OSBPL3: variants seen among roughly 807,000 people sequenced by gnomAD.
OSBPL3 encodes the protein oxysterol binding protein like 3, also known as oxysterol-binding protein-related protein 3.
In OSBPL3, 65 loss-of-function variants were observed where a neutral mutation model predicts 120.1. The ratio of observed to expected loss-of-function variants is 0.54; its 90% confidence interval spans 0.44 to 0.67. The LOEUF (loss-of-function observed/expected upper bound fraction) is 0.67. Ranked by LOEUF, OSBPL3 falls within the 30% of genes least tolerant of loss-of-function variation. The pLI, the probability that OSBPL3 is intolerant of heterozygous loss-of-function variation, is 0.00. For synonymous variants in OSBPL3, 416 were observed against 402.6 expected (o/e 1.03, Z -0.40); for missense variants, 1,004 against 1,082.1 (o/e 0.93, Z 1.01).
intron 1 of OSBPL3, among the ~76,000 whole-genome samples, chr7:24,971,780 G>C (rs1420070913): frequency 6.6e-6 from 1 of 152,074 alleles, no homozygotes; most frequent in Non-Finnish European, 1.5e-5. Flanking sequence ...AAAGCACTTA[G>C]CCTGGCACAT....
At chr7:24,979,558 G>C (rs563485201) in intron 1 of OSBPL3, among the ~76,000 whole-genome samples, 2 of 152,192 alleles carry the variant, frequency 1.3e-5, no homozygotes, top group African/African-American at 2.4e-5. Flanking sequence ...CCGCTGCCCA[G>C]GACAGCTCCG....
intron 19 of OSBPL3, among the ~76,000 whole-genome samples, chr7:24,814,768 A>G (rs1463665899): frequency 1.3e-5 from 2 of 151,990 alleles, no homozygotes; most frequent in African/African-American, 4.8e-5. Flanking sequence ...GACTTATTTC[A>G]CTCAACATAA....
At position 24,824,784 on chromosome 7, in the gene OSBPL3, T is replaced by C. The variant is rs548188996; in HGVS notation, c.1885-4546A>G. Among the ~76,000 whole-genome samples, 1 of 152,312 alleles carries C rather than the reference T, an allele frequency of 6.6e-6. No individual in the cohort carries two copies. The highest frequency in any genetic ancestry group is 6.5e-5 in the Admixed American group (1 of 15,296). On this transcript the variant is annotated intron_variant, in intron 16 of 22. Transcript: ENST00000313367. The surrounding 1 kb of genome is among the most constrained non-coding windows in gnomAD (Gnocchi z 4.9). The stretch of plus-strand genomic sequence containing the variant: ...AGGAAAATAAAGCAGGGCATGAGGA[T>C]GTGGGGACAGTGAGTAGGAGTGCTG...
In OSBPL3 at chr7:24,852,513, G is replaced by C; in HGVS notation, c.1149C>G (p.Ala383=). The change falls in exon 11 of 23, where the codon GCC becomes GCG. Residue 383 remains alanine, a synonymous_variant. Coordinates refer to ENST00000313367, the MANE Select transcript of OSBPL3 (RefSeq NM_015550.4). This position sits in a 1 kb window ranked among gnomAD's most constrained non-coding sequence, Gnocchi z 4.1. ...PSAQVIGLKN[A]LSSALAQNTD... is the part of the protein sequence containing the mutation. ...CAGACATGTAACTTACGGATGACAG[G>C]GCGTTCTTCAGACCAATGACCTGAG... 1.3e-6 allele frequency: 2 copies of C among 1,578,434 alleles called. No individual in the cohort carries two copies. The highest frequency in any genetic ancestry group is 1.7e-6 in the Non-Finnish European group (2 of 1,169,110).
At chr7:24,844,384 T>G (rs1041418744) in intron 12 of OSBPL3, among the ~76,000 whole-genome samples, 1 of 152,060 alleles carries the variant, frequency 6.6e-6, no homozygotes, top group South Asian at 2.1e-4. Context: ...GTGATTTTTT[T>G]TTTTTCTGGC....
chr7:24,904,960 T>TGTGA (rs746412039), intron 1 of OSBPL3, among the ~76,000 whole-genome samples: 3 of 146,070 alleles, frequency 2.1e-5, no homozygotes, highest in East Asian at 2.0e-4. Context: ...TGTGTGTGTG[T>TGTGA]GAATAAAGTT....
chr7:24,903,298 T>C (rs949584224), intron 1 of OSBPL3, among the ~76,000 whole-genome samples: 1 of 152,146 alleles, frequency 6.6e-6, no homozygotes, highest in South Asian at 2.1e-4. Context: ...AATAATAGCC[T>C]CTAGCTCACA....
intron 1 of OSBPL3, among the ~76,000 whole-genome samples, chr7:24,942,690 TTTTAAGG>T (rs138790826): frequency 5.4e-4 from 82 of 152,356 alleles, no homozygotes; most frequent in African/African-American, 1.9e-3. Flanking sequence ...AAAATGGCTT[TTTTAAGG>T]TAATACAATA....
At chr7:24,917,055 T>G (rs1231815465) in intron 1 of OSBPL3, among the ~76,000 whole-genome samples, 1 of 152,062 alleles carries the variant, frequency 6.6e-6, no homozygotes, top group Non-Finnish European at 1.5e-5. Flanking sequence ...GCACCCATAT[T>G]TGTAACTATA....
In OSBPL3 at chr7:24,896,941, G is replaced by A. The variant is rs1806217086; in HGVS notation, c.-149-4320C>T. On this transcript the variant is annotated intron_variant, in intron 1 of 22. Coordinates refer to ENST00000313367, the MANE Select transcript of OSBPL3 (RefSeq NM_015550.4). The surrounding 1 kb of genome is among the most constrained non-coding windows in gnomAD (Gnocchi z 4.4). ...ACCAAAATTAGCCGAGCATGGTGGT[G>A]CATGCCTGTAGTCCCAGCTACTCAG... 6.6e-6 allele frequency among the ~76,000 whole-genome samples: 1 copy of A among 152,048 alleles called. No individual in the cohort carries two copies. The highest frequency in any genetic ancestry group is 2.1e-4 in the South Asian group (1 of 4,820).
chr7:24,956,699 T>C (rs992447265), intron 1 of OSBPL3, among the ~76,000 whole-genome samples: 2 of 152,216 alleles, frequency 1.3e-5, no homozygotes, highest in Non-Finnish European at 2.9e-5. Flanking sequence ...TTTTGAGGTT[T>C]TTCCCATCTG....
chr7:24,948,062 T>A (rs552127716), intron 1 of OSBPL3, among the ~76,000 whole-genome samples: 1 of 152,230 alleles, frequency 6.6e-6, no homozygotes, highest in Admixed American at 6.5e-5. Flanking sequence ...CACAGACCTA[T>A]ATAGAAATCC....
Position 24,855,273 on chromosome 7 carries a change from A to G in OSBPL3, c.1028-2639T>C, listed in dbSNP as rs1319213022. ...TCTCACTGTCTTGTTTATTGCTCCA[A>G]ATAAAATAAATGTGGCACTCAGCTA... On this transcript the variant is annotated intron_variant, in intron 10 of 22. Coordinates refer to ENST00000313367, the MANE Select transcript of OSBPL3 (RefSeq NM_015550.4). This position sits in a 1 kb window ranked among gnomAD's most constrained non-coding sequence, Gnocchi z 4.3. 6.6e-6 allele frequency among the ~76,000 whole-genome samples: 1 copy of G among 152,204 alleles called. No homozygotes were observed. Among genetic ancestry groups the G allele is most frequent in the Non-Finnish European group, 1.5e-5 (1 of 68,044 alleles).
At chr7:24,960,435 G>A (rs1815590133) in intron 1 of OSBPL3, among the ~76,000 whole-genome samples, 1 of 152,150 alleles carries the variant, frequency 6.6e-6, no homozygotes, top group Admixed American at 6.5e-5. Flanking sequence ...AGCTAGTCAA[G>A]CAGAGCAGAA....
chr7:24,961,966 C>T (rs183744983), intron 1 of OSBPL3, among the ~76,000 whole-genome samples: 2 of 152,098 alleles, frequency 1.3e-5, no homozygotes, highest in Non-Finnish European at 2.9e-5. Context: ...TTTTTGTCTG[C>T]CCAACCAACT....
upstream of OSBPL3, among the ~76,000 whole-genome samples, chr7:24,981,219 G>GA (rs1818308699): frequency 2.0e-5 from 3 of 152,184 alleles, no homozygotes; most frequent in South Asian, 6.2e-4. This position sits in a 1 kb window ranked among gnomAD's most constrained non-coding sequence, Gnocchi z 7.3. Context: ...GTCCACTTTC[G>GA]AAAGTGGTTT....
At chr7:24,961,353 TA>T (rs375197942) in intron 1 of OSBPL3, among the ~76,000 whole-genome samples, 1 of 152,090 alleles carries the variant, frequency 6.6e-6, no homozygotes, top group African/African-American at 2.4e-5. Context: ...TAGTTGAAAT[TA>T]ACCTTGAAAT....
rs1816192232 is a variant in OSBPL3, at chr7:24,964,817, T to C, written c.-150+15069A>G. 6.6e-6 allele frequency among the ~76,000 whole-genome samples: 1 copy of C among 152,246 alleles called. No homozygotes were observed. The highest frequency in any genetic ancestry group is 6.5e-5 in the Admixed American group (1 of 15,284). On this transcript the variant is annotated intron_variant, in intron 1 of 22. Coordinates refer to ENST00000313367, the MANE Select transcript of OSBPL3 (RefSeq NM_015550.4). The surrounding 1 kb of genome is among the most constrained non-coding windows in gnomAD (Gnocchi z 4.2). ...ATTTTTTGTACTATCTTCACATCTT[T>C]TCTCTACCTCTAAAACTATTCTAAA...
chr7:24,879,995 G>A lies in OSBPL3; in HGVS notation c.97-7926C>T, dbSNP rs565916996. On this transcript the variant is annotated intron_variant, in intron 2 of 22. Transcript: ENST00000313367. The surrounding 1 kb of genome is among the most constrained non-coding windows in gnomAD (Gnocchi z 5.6). Reference sequence around the variant, plus strand: ...TTTCTCTCCTCCTAATGCTCTGTTCGGTAAGCAGGGTCTCTTAGACTATTA... The same window carrying A: ...TTTCTCTCCTCCTAATGCTCTGTTCAGTAAGCAGGGTCTCTTAGACTATTA... Among the ~76,000 whole-genome samples the A allele has an allele frequency of 1.3e-5, 2 of 152,174 alleles. No homozygotes were observed. The highest frequency in any genetic ancestry group is 4.8e-5 in the African/African-American group (2 of 41,508).
Sources: allele counts gnomAD v4.1 joint callset (sites outside exome capture counted in the v4.1 genomes callset), GRCh38; gene constraint gnomAD v4.1.1; non-coding constraint Gnocchi (gnomAD v3.1); transcripts MANE v1.5; gene names NCBI Gene and HGNC (gene_info 2026-07-23, HGNC 2026-07-21).